ASTN1: variants seen among roughly 807,000 people sequenced by gnomAD.
The protein encoded by ASTN1 is astrotactin 1.
Under a neutral mutation model 140.7 loss-of-function variants are expected in ASTN1, and 41 were observed. That is an observed-to-expected ratio of 0.29 (90% CI 0.23 to 0.38). ASTN1 has a LOEUF of 0.38. ASTN1 is among the 10% of genes least tolerant of loss of function. The pLI is 1.00. For synonymous variants in ASTN1, 640 were observed against 652.2 expected, an observed-to-expected ratio of 0.98 and a Z score of 0.29; for missense variants, 1,479 against 1,678.8, an observed-to-expected ratio of 0.88 and a Z score of 2.08.
chr1:176,915,434 A>G (rs1670438196), intron 16 of ASTN1, among the ~76,000 whole-genome samples: 1 of 152,118 alleles, frequency 6.6e-6, no homozygotes, highest in South Asian at 2.1e-4. Context: ...CACATTACAG[A>G]TGTACAAGAT....
intron 8 of ASTN1, among the ~76,000 whole-genome samples, chr1:176,975,781 T>C (rs1673337731): frequency 6.6e-6 from 1 of 152,208 alleles, no homozygotes; most frequent in African/African-American, 2.4e-5. Context: ...GGTAAACTGG[T>C]CCTCAAATTT....
intron 8 of ASTN1, among the ~76,000 whole-genome samples, chr1:176,973,326 T>C (rs1006686483): frequency 1.3e-5 from 2 of 152,214 alleles, no homozygotes; most frequent in Non-Finnish European, 1.5e-5. Context: ...CTTCCTTCTT[T>C]CTTCACATTA....
At chr1:177,118,737 T>C (rs1343770830) in intron 1 of ASTN1, among the ~76,000 whole-genome samples, 2 of 152,152 alleles carry the variant, frequency 1.3e-5, no homozygotes, top group African/African-American at 2.4e-5. Context: ...CAATATTACA[T>C]GTGTATATAA....
intron 8 of ASTN1, among the ~76,000 whole-genome samples, chr1:177,002,438 A>G (rs538659434): frequency 6.6e-6 from 1 of 152,130 alleles, no homozygotes; most frequent in South Asian, 2.1e-4. Flanking sequence ...AAGAGACAGA[A>G]CAATACAATG....
At chr1:177,102,354 C>A (rs1249513276) in intron 1 of ASTN1, among the ~76,000 whole-genome samples, 1 of 152,136 alleles carries the variant, frequency 6.6e-6, no homozygotes, top group Non-Finnish European at 1.5e-5. Context: ...GAGGATAAAA[C>A]CTATGCAGGT....
At position 177,029,570 on chromosome 1, in the gene ASTN1, G is replaced by A. The variant is rs189475004; in HGVS notation, c.1120+64C>T. 1.2e-3 allele frequency: 1,801 copies of A among 1,519,242 alleles called. 22 individuals are homozygous for A. The highest frequency in any genetic ancestry group is 8.0e-3 in the Middle Eastern group (47 of 5,878). 94.1% of individuals were successfully genotyped at this position (1,519,242 alleles called of 1,614,324 possible). The stretch of plus-strand genomic sequence containing the variant: ...CCACAACCCAACCCAACACCTCTTC[G>A]CCTTCCCCCGCCTCCCTCACTCCCA... On this transcript the variant is annotated intron_variant, in intron 5 of 22. Transcript: ENST00000361833.
intron 16 of ASTN1, among the ~76,000 whole-genome samples, chr1:176,901,553 G>C (rs956532663): frequency 1.4e-4 from 22 of 152,206 alleles, no homozygotes; most frequent in Admixed American, 6.5e-5. Context: ...GTCATACTGG[G>C]ATTTGGCATA....
At chr1:177,098,864 T>A (rs1680170810) in intron 1 of ASTN1, among the ~76,000 whole-genome samples, 1 of 152,146 alleles carries the variant, frequency 6.6e-6, no homozygotes, top group Non-Finnish European at 1.5e-5. Flanking sequence ...ATCCCAAATC[T>A]CTTCAATAAC....
In ASTN1 at chr1:176,864,134, A is replaced by T; in HGVS notation, c.*150T>A. ...GAACATCATACTGAAGAAGTTCTGC[A>T]GGGAGCAAGGATCACTTTCTCCCTG... On this transcript the variant is annotated 3_prime_UTR_variant, in exon 23 of 23. Coordinates refer to ENST00000361833, the MANE Select transcript of ASTN1 (RefSeq NM_004319.3). 1.3e-6 allele frequency: 2 copies of T among 1,482,734 alleles called. No individual in the cohort carries two copies. The highest frequency in any genetic ancestry group is 1.8e-6 in the Non-Finnish European group (2 of 1,123,508). The allele number at this position is 1,482,734 out of a possible 1,614,324, so 91.8% of individuals were successfully genotyped here.
At chr1:176,910,976 T>C (rs1048421566) in intron 16 of ASTN1, among the ~76,000 whole-genome samples, 2 of 152,162 alleles carry the variant, frequency 1.3e-5, no homozygotes, top group African/African-American at 4.8e-5. Context: ...GACCTGTCCA[T>C]GGAAAAATTG....
At chr1:177,111,286 T>C (rs1264516147) in intron 1 of ASTN1, among the ~76,000 whole-genome samples, 3 of 152,200 alleles carry the variant, frequency 2.0e-5, no homozygotes, top group African/African-American at 7.2e-5. Context: ...CTAGGACTAA[T>C]TCCAAAGACT....
At chr1:176,988,737 T>A (rs1299478851) in intron 8 of ASTN1, among the ~76,000 whole-genome samples, 3 of 152,210 alleles carry the variant, frequency 2.0e-5, no homozygotes, top group Non-Finnish European at 4.4e-5. Flanking sequence ...AATAATTTTA[T>A]GTGTATTCAT....
At chr1:176,930,007 C>CA (rs1404779701) in intron 16 of ASTN1, among the ~76,000 whole-genome samples, 2 of 151,766 alleles carry the variant, frequency 1.3e-5, no homozygotes, top group Non-Finnish European at 2.9e-5. Context: ...GACTCCGTCT[C>CA]AAAAAAACAA....
intron 2 of ASTN1, among the ~76,000 whole-genome samples, chr1:177,045,011 T>C (rs1677151751): frequency 6.6e-6 from 1 of 152,104 alleles, no homozygotes; most frequent in African/African-American, 2.4e-5. Context: ...TCTTTTTTTT[T>C]CTGCCTATCC....
chr1:176,937,582 T>C (rs1338103770), intron 14 of ASTN1, among the ~76,000 whole-genome samples: 1 of 152,130 alleles, frequency 6.6e-6, no homozygotes, highest in Non-Finnish European at 1.5e-5. Context: ...ACAAAATAAT[T>C]AGGCCATAGG....
chr1:177,029,675 G>A lies in ASTN1; in HGVS notation c.1079C>T (p.Thr360Ile). ...GCTCCTTGAAGGATCCGTGTAAAAG[G>A]TCAGCTGGGGGTCGTTTTCTGCCTC... ...GTEAENDPQL[T>I]FYTDPSRSRR... is the part of the protein sequence containing the mutation. The change falls in exon 5 of 23, where the codon ACC (threonine) becomes ATC (isoleucine). Residue 360 changes from threonine (T) to isoleucine (I), a missense_variant. Transcript: ENST00000361833. 1 of 1,613,858 alleles carries A rather than the reference G, an allele frequency of 6.2e-7. No homozygotes were observed. The highest frequency in any genetic ancestry group is 8.5e-7 in the Non-Finnish European group (1 of 1,179,934).
intron 1 of ASTN1, among the ~76,000 whole-genome samples, chr1:177,094,350 G>A (rs1478045989): frequency 6.6e-6 from 1 of 152,098 alleles, no homozygotes; most frequent in Non-Finnish European, 1.5e-5. Context: ...ATATGCACAG[G>A]GCAGTTTTAA....
intron 1 of ASTN1, among the ~76,000 whole-genome samples, chr1:177,129,430 G>A (rs530262414): frequency 1.3e-5 from 2 of 152,308 alleles, no homozygotes; most frequent in African/African-American, 4.8e-5. Flanking sequence ...GGAAGCAGGA[G>A]GCTGGGAGGG....
At chr1:177,039,635 T>C (rs1287194089) in intron 2 of ASTN1, among the ~76,000 whole-genome samples, 2 of 152,130 alleles carry the variant, frequency 1.3e-5, no homozygotes, top group Admixed American at 6.5e-5. Context: ...CCCAGTAAAA[T>C]AACAGGGCTA....
Sources: gnomAD v4.1 joint callset for allele counts (sites outside exome capture counted in the v4.1 genomes callset) on GRCh38, gnomAD v4.1.1 for gene constraint, MANE v1.5 for transcripts, NCBI Gene and HGNC (gene_info 2026-07-23, HGNC 2026-07-21) for gene names.